The following CAND1 variants were observed in gnomAD, a reference collection of about 807,000 sequenced individuals.
The protein encoded by CAND1 is cullin associated and neddylation dissociated 1, also known as cullin-associated NEDD8-dissociated protein 1.
CAND1 carries 7 observed loss-of-function variants against 108.5 expected under a neutral mutation model. That is an observed-to-expected ratio of 0.06 (90% CI 0.04 to 0.12). The LOEUF (loss-of-function observed/expected upper bound fraction) is 0.12. Ranked by LOEUF, CAND1 falls within the 10% of genes least tolerant of loss-of-function variation. The pLI is 1.00. For synonymous variants in CAND1, 534 were observed against 512.0 expected, an observed-to-expected ratio of 1.04 and a Z score of -0.58; for missense variants, 941 against 1,448.7, an observed-to-expected ratio of 0.65 and a Z score of 5.69.
chr12:67,272,159 G>C (rs2044526621), intron 1 of CAND1, among the ~76,000 whole-genome samples: 1 of 152,210 alleles, frequency 6.6e-6, no homozygotes, highest in South Asian at 2.1e-4. Flanking sequence ...TGACCAACAT[G>C]TGCAAAGCAC....
Position 67,310,262 on chromosome 12 carries a change from C to A in CAND1, c.3306C>A (p.Ile1102=). The change falls in exon 13 of 15, where the codon ATC becomes ATA. Residue 1102 remains isoleucine, a synonymous_variant. Transcript: ENST00000545606. ...LLDSCLDRLD[I]FEFLNHVEDG... ...ACAGTTGTCTTGATAGACTTGATAT[C>A]TTTGAATTTCTAAATCATGTTGAAG... 1 of 1,610,928 alleles carries A rather than the reference C, an allele frequency of 6.2e-7. No homozygotes were observed.
chr12:67,286,078 G>A (rs2044668151), intron 2 of CAND1, among the ~76,000 whole-genome samples: 2 of 152,206 alleles, frequency 1.3e-5, no homozygotes, highest in South Asian at 4.1e-4. Flanking sequence ...CTGGATCTCT[G>A]CTCACTGCAA....
At chr12:67,282,640 C>T (rs1214277954) in intron 2 of CAND1, among the ~76,000 whole-genome samples, 1 of 152,104 alleles carries the variant, frequency 6.6e-6, no homozygotes, top group Non-Finnish European at 1.5e-5. Context: ...GATCCTCCCA[C>T]CTTGGCCTCC....
chr12:67,306,299 C>T lies in CAND1; in HGVS notation c.2631C>T (p.Ser877=), dbSNP rs768922522. ...SPSEEVKSAA[S]YALGSISVGN... is the part of the protein sequence containing the mutation. ...GTGAAGAAGTCAAATCAGCTGCATC[C>T]TATGCATTAGGCAGCATTAGTGTGG... Residue 877 remains serine, a synonymous_variant, in exon 10 of 15, where the codon TCC becomes TCT. Coordinates refer to ENST00000545606, the MANE Select transcript of CAND1 (RefSeq NM_018448.5). 14 of 1,613,992 alleles carry T rather than the reference C, an allele frequency of 8.7e-6. No individual in the cohort carries two copies. The highest frequency in any genetic ancestry group is 1.2e-5 in the Non-Finnish European group (14 of 1,180,000).
chr12:67,309,984 A>G lies in CAND1; in HGVS notation c.3109A>G (p.Lys1037Glu), dbSNP rs2044931683. The change falls in exon 12 of 15, where the codon AAG becomes GAG. Residue 1037 changes from lysine to glutamate, a missense_variant. Coordinates refer to ENST00000545606, the MANE Select transcript of CAND1 (RefSeq NM_018448.5). Reference sequence around the variant, plus strand: ...CACATTTAATTCAGCAGCACATAACAAGCCATCATTAATAAGGGATCTATT... The same window carrying G: ...CACATTTAATTCAGCAGCACATAACGAGCCATCATTAATAAGGGATCTATT... ...LVTFNSAAHN[K>E]PSLIRDLLDT... 1 of 1,612,374 alleles carries G rather than the reference A, an allele frequency of 6.2e-7. No homozygotes were observed. Among genetic ancestry groups the G allele is most frequent in the South Asian group, 1.1e-5 (1 of 91,006 alleles).
chr12:67,270,900 A>G (rs981792753), intron 1 of CAND1: 1 of 152,230 alleles, frequency 6.6e-6, no homozygotes, highest in African/African-American at 2.4e-5. Flanking sequence ...AATTGTGACT[A>G]AAGAGCTTGT....
At position 67,305,492 on chromosome 12, in the gene CAND1, G is replaced by C; in HGVS notation, c.1824G>C (p.Leu608Phe). ...TTGGAGACAATTTGGGTTCTGACTT[G>C]CCTAATACACTTCAGATTTTCTTGG... Reference protein sequence around the residue: ...CNLGDNLGSDLPNTLQIFLER... With the variant: ...CNLGDNLGSDFPNTLQIFLER... Residue 608 changes from leucine (L) to phenylalanine (F), a missense_variant, in exon 10 of 15, where the codon TTG (leucine) becomes TTC (phenylalanine). Coordinates refer to ENST00000545606, the MANE Select transcript of CAND1 (RefSeq NM_018448.5). This position sits in a 1 kb window ranked among gnomAD's most constrained non-coding sequence, Gnocchi z 4.4. The C allele has an allele frequency of 6.2e-7, 1 of 1,613,770 alleles. No individual in the cohort carries two copies.
chr12:67,277,989 A>G (rs1346885607), intron 1 of CAND1, among the ~76,000 whole-genome samples: 1 of 152,180 alleles, frequency 6.6e-6, no homozygotes, highest in Non-Finnish European at 1.5e-5. Context: ...CATTGCATTT[A>G]TTCCCCATCT....
At chr12:67,280,656 T>C (rs1237922884) in intron 1 of CAND1, among the ~76,000 whole-genome samples, 2 of 152,222 alleles carry the variant, frequency 1.3e-5, no homozygotes, top group Non-Finnish European at 2.9e-5. Context: ...TTGAATGTGA[T>C]TATCTCATAT....
chr12:67,272,976 A>G (rs1382294421), intron 1 of CAND1, among the ~76,000 whole-genome samples: 1 of 152,088 alleles, frequency 6.6e-6, no homozygotes, highest in Non-Finnish European at 1.5e-5. Context: ...ATTACAGGCC[A>G]GCACCGCATC....
rs924452770 is a variant in CAND1 at position 67,313,719 on chromosome 12, G to C, written c.*889G>C. On this transcript the variant is annotated 3_prime_UTR_variant, in exon 15 of 15. Transcript: ENST00000545606. ...TAGTTTTTCTCAGTTACCCATTTGT[G>C]TGTGTGTGATTCCACTTAGAAATTC... The C allele has an allele frequency of 6.6e-6, 1 of 152,454 alleles. No individual in the cohort carries two copies. Among genetic ancestry groups the C allele is most frequent in the African/African-American group, 2.4e-5 (1 of 41,388 alleles). The allele number at this position is 152,454 out of a possible 1,614,324, so 9.4% of individuals were successfully genotyped here.
In CAND1 at chr12:67,314,319, G is replaced by A. The variant is rs1173001341; in HGVS notation, c.*1489G>A. ...ATCCAAATATACAGTGATTTTAAAT[G>A]ATAACATACTGTGGTTATTAGATTA... On this transcript the variant is annotated 3_prime_UTR_variant, in exon 15 of 15. Transcript: ENST00000545606. 1.3e-5 allele frequency: 2 copies of A among 152,116 alleles called. No homozygotes were observed. The highest frequency in any genetic ancestry group is 1.9e-4 in the East Asian group (1 of 5,188). The allele number at this position is 152,116 out of a possible 1,614,324, so 9.4% of individuals were successfully genotyped here.
intron 10 of CAND1, among the ~76,000 whole-genome samples, chr12:67,307,099 A>G (rs2044894913): frequency 6.6e-6 from 1 of 152,278 alleles, no homozygotes; most frequent in South Asian, 2.1e-4. Flanking sequence ...GAAGATTTTT[A>G]AGCGGTTTTG....
chr12:67,302,201 C>A, intron 7 of CAND1, 122 bp from the exon 8 acceptor site: 2 of 774,540 alleles, frequency 2.6e-6, no homozygotes, highest in South Asian at 1.8e-5. Context: ...CTACCTGTTG[C>A]TGTATATGTT....
chr12:67,271,465 T>C (rs2044520153), intron 1 of CAND1, among the ~76,000 whole-genome samples: 1 of 152,250 alleles, frequency 6.6e-6, no homozygotes, highest in African/African-American at 2.4e-5. Flanking sequence ...TTTGTTCAAC[T>C]AGTCATTCTC....
chr12:67,298,144 G>T (rs1592617343), intron 6 of CAND1, among the ~76,000 whole-genome samples: 1 of 152,270 alleles, frequency 6.6e-6, no homozygotes, highest in East Asian at 1.9e-4. Flanking sequence ...AATGTAGTCT[G>T]TACTGAAAGC....
At chr12:67,297,337 A>C (rs774363546) in intron 4 of CAND1, 70 bp from the exon 5 acceptor site, 2 of 1,409,762 alleles carry the variant, frequency 1.4e-6, no homozygotes, top group East Asian at 2.3e-5. Context: ...GTCAGAGGCC[A>C]GACATTTAGT....
intron 1 of CAND1, among the ~76,000 whole-genome samples, chr12:67,272,823 A>G (rs1052343332): frequency 1.3e-5 from 2 of 152,026 alleles, no homozygotes; most frequent in Non-Finnish European, 2.9e-5. Context: ...CAGCCTCCCA[A>G]GTAGCTGGGA....
intron 11 of CAND1, among the ~76,000 whole-genome samples, chr12:67,309,144 A>G (rs1338669103): frequency 6.6e-6 from 1 of 151,994 alleles, no homozygotes; most frequent in Non-Finnish European, 1.5e-5. Context: ...TGAGAAACTG[A>G]GGTTCTTGCC....
Sources: gnomAD v4.1 joint callset for allele counts (sites outside exome capture counted in the v4.1 genomes callset) on GRCh38, gnomAD v4.1.1 for gene constraint, Gnocchi (gnomAD v3.1) non-coding constraint, MANE v1.5 for transcripts, NCBI Gene and HGNC (gene_info 2026-07-23, HGNC 2026-07-21) for gene names.